Variants in FRMPD4 observed in about 807,000 individuals in gnomAD.
FRMPD4 encodes the protein FERM and PDZ domain-containing protein 4.
A neutral mutation model predicts 94.1 loss-of-function variants in FRMPD4; 22 were observed. The ratio of observed to expected loss-of-function variants is 0.23; its 90% confidence interval spans 0.17 to 0.33. FRMPD4 has a LOEUF of 0.33. Ranked by LOEUF, FRMPD4 falls within the 10% of genes least tolerant of loss-of-function variation. FRMPD4 has a pLI of 1.00. For synonymous variants in FRMPD4, 631 were observed against 548.6 expected (o/e 1.15, Z -2.10); for missense variants, 1,111 against 1,339.9 (o/e 0.83, Z 2.67).
At chrX:12,009,185 G>C (rs1002852485) in intron 3 of FRMPD4, among the ~76,000 whole-genome samples, 3 of 112,102 alleles carry the variant, frequency 2.7e-5, no homozygotes, top group Non-Finnish European at 5.6e-5. Context: ...AACTATGTGA[G>C]GTGATGGATA....
chrX:12,541,249 C>T (rs2058407448), intron 2 of FRMPD4, among the ~76,000 whole-genome samples: 1 of 111,411 alleles, frequency 9.0e-6, no homozygotes, highest in South Asian at 3.8e-4. Context: ...CAGAGCAGAA[C>T]TGAAGGAGAT....
chrX:12,493,225 T>C (rs1035906877), intron 1 of FRMPD4, among the ~76,000 whole-genome samples: 2 of 111,229 alleles, frequency 1.8e-5, no homozygotes, highest in Non-Finnish European at 1.9e-5. Context: ...TGCTTGCAAA[T>C]GTAAAATACT....
intron 3 of FRMPD4, among the ~76,000 whole-genome samples, chrX:12,610,350 A>T (rs1420006568): frequency 8.9e-6 from 1 of 112,801 alleles, no homozygotes; most frequent in Non-Finnish European, 1.9e-5. Flanking sequence ...GGATCAGGTG[A>T]TTGACAATGG....
At chrX:12,657,986 C>T (rs1203780558) in intron 4 of FRMPD4, among the ~76,000 whole-genome samples, 8 of 111,675 alleles carry the variant, frequency 7.2e-5, no homozygotes, top group Non-Finnish European at 1.5e-4. Flanking sequence ...CCTCTGAAAA[C>T]CCATGAACCC....
chrX:12,453,276 T>C (rs1353780835), intron 1 of FRMPD4, among the ~76,000 whole-genome samples: 2 of 111,971 alleles, frequency 1.8e-5, no homozygotes, highest in South Asian at 3.7e-4. Flanking sequence ...AAAGCAGATA[T>C]ATTTTTAAAG....
At chrX:12,148,494 G>T (rs983347890) in intron 1 of FRMPD4, among the ~76,000 whole-genome samples, 8 of 112,038 alleles carry the variant, frequency 7.1e-5, no homozygotes, top group African/African-American at 2.6e-4. Context: ...AGTTTGTGAG[G>T]CTTAAGGAAA....
At chrX:12,654,874 G>C in intron 4 of FRMPD4, among the ~76,000 whole-genome samples, 1 of 112,392 alleles carries the variant, frequency 8.9e-6, no homozygotes, top group Non-Finnish European at 1.9e-5. Flanking sequence ...AGGCTTTGGA[G>C]TCAGAAAAGC....
At chrX:12,687,162 C>T (rs146942283) in intron 7 of FRMPD4, among the ~76,000 whole-genome samples, 7 of 111,768 alleles carry the variant, frequency 6.3e-5, no homozygotes, top group African/African-American at 1.3e-4. Context: ...CTTATTGTCA[C>T]GATACCAGCA....
At chrX:11,880,756 C>A (rs1273538405) in intron 3 of FRMPD4, among the ~76,000 whole-genome samples, 1 of 111,530 alleles carries the variant, frequency 9.0e-6, no homozygotes, top group Non-Finnish European at 1.9e-5. Flanking sequence ...GATTCTCGTG[C>A]TTCAGCCTCC....
intron 1 of FRMPD4, among the ~76,000 whole-genome samples, chrX:12,171,694 T>G (rs1418650747): frequency 7.1e-5 from 8 of 112,189 alleles, no homozygotes; most frequent in Non-Finnish European, 1.5e-4. Flanking sequence ...TGTTCTTTGA[T>G]GCAAGCCGAT....
At chrX:12,400,415 C>T (rs924143736) in intron 1 of FRMPD4, among the ~76,000 whole-genome samples, 1 of 112,006 alleles carries the variant, frequency 8.9e-6, no homozygotes, top group African/African-American at 3.2e-5. Flanking sequence ...GTATTCATTT[C>T]AATGGCTCCC....
At chrX:11,845,363 G>A (rs2053568295) in intron 1 of FRMPD4, among the ~76,000 whole-genome samples, 1 of 111,721 alleles carries the variant, frequency 9.0e-6, no homozygotes, top group Admixed American at 9.5e-5. Flanking sequence ...CCAATAACAG[G>A]ATCTGAACTT....
chrX:12,230,493 C>G (rs1441640509), intron 1 of FRMPD4, among the ~76,000 whole-genome samples: 1 of 110,870 alleles, frequency 9.0e-6, no homozygotes, highest in African/African-American at 3.3e-5. Flanking sequence ...TCTTGGAAGT[C>G]AGATGTAGCC....
In FRMPD4 at chrX:12,722,666, T is replaced by C. The variant is rs1040704571; in HGVS notation, c.*808T>C. On this transcript the variant is annotated 3_prime_UTR_variant, in exon 17 of 17. Transcript: ENST00000675598. ...AATTAATAATACCAAAATTAATTAT[T>C]TGATGGAAAGATCTGCTTTGACTAA... 5 of 112,312 alleles carry C rather than the reference T, an allele frequency of 4.5e-5. No individual in the cohort carries two copies. Among genetic ancestry groups the C allele is most frequent in the African/African-American group, 1.6e-4 (5 of 30,904 alleles). The allele number at this position is 112,312 out of a possible 1,213,427, so 9.3% of individuals were successfully genotyped here.
intron 1 of FRMPD4, among the ~76,000 whole-genome samples, chrX:12,405,998 G>A (rs1015023667): frequency 9.0e-6 from 1 of 111,247 alleles, no homozygotes; most frequent in African/African-American, 3.3e-5. Context: ...GTTTATCTCC[G>A]ATTATGCTAG....
At chrX:11,958,199 G>A (rs1253061529) in intron 3 of FRMPD4, among the ~76,000 whole-genome samples, 1 of 111,730 alleles carries the variant, frequency 9.0e-6, no homozygotes, top group East Asian at 2.8e-4. Context: ...GATTTGAGGA[G>A]TCTGTGGATA....
At chrX:11,911,179 A>C (rs1297167307) in intron 3 of FRMPD4, among the ~76,000 whole-genome samples, 1 of 112,586 alleles carries the variant, frequency 8.9e-6, no homozygotes, top group African/African-American at 3.2e-5. Flanking sequence ...TTCCAATAAA[A>C]CATAATTTAC....
At chrX:12,456,984 A>C (rs2057340293) in intron 1 of FRMPD4, among the ~76,000 whole-genome samples, 1 of 112,171 alleles carries the variant, frequency 8.9e-6, no homozygotes, top group Non-Finnish European at 1.9e-5. Flanking sequence ...GATTTTCCAC[A>C]TGCTCAGCTT....
intron 1 of FRMPD4, among the ~76,000 whole-genome samples, chrX:11,837,687 T>C (rs748539217): frequency 9.9e-5 from 11 of 111,489 alleles, no homozygotes; most frequent in African/African-American, 2.9e-4. Context: ...TAACTTACAA[T>C]GAGAATGGAG....
Sources: gnomAD v4.1 joint callset for allele counts (sites outside exome capture counted in the v4.1 genomes callset) on GRCh38, gnomAD v4.1.1 for gene constraint, MANE v1.5 for transcripts, NCBI Gene and HGNC (gene_info 2026-07-23, HGNC 2026-07-21) for gene names.